The following BICC1 variants were observed in gnomAD, a reference collection of about 807,000 sequenced individuals.
The protein encoded by BICC1 is BicC family RNA binding protein 1, also known as protein bicaudal C homolog 1.
BICC1 carries 43 observed loss-of-function variants against 111.0 expected under a neutral mutation model. The observed-to-expected ratio is 0.39, with a 90% CI of 0.30 to 0.50. The LOEUF is 0.50. Among genes scored for constraint, BICC1 ranks in the 20% least tolerant of loss-of-function variants. The pLI, the probability that BICC1 is intolerant of heterozygous loss-of-function variation, is 0.88. For missense variants in BICC1, 1,091 were observed against 1,203.2 expected (o/e 0.91, Z 1.38); for synonymous variants, 467 against 434.4 (o/e 1.07, Z -0.93).
intron 1 of BICC1, among the ~76,000 whole-genome samples, chr10:58,611,351 TTC>T (rs1300899634): frequency 6.6e-6 from 1 of 152,248 alleles, no homozygotes; most frequent in African/African-American, 2.4e-5. Context: ...TCAGTCTTTT[TTC>T]TAACACATTC....
chr10:58,608,050 A>G (rs1416199404), intron 1 of BICC1, among the ~76,000 whole-genome samples: 1 of 152,200 alleles, frequency 6.6e-6, no homozygotes, highest in Non-Finnish European at 1.5e-5. Context: ...TTACTGAAGA[A>G]AGGACATTTC....
chr10:58,795,115 T>C (rs1194165653), intron 9 of BICC1, among the ~76,000 whole-genome samples: 1 of 152,226 alleles, frequency 6.6e-6, no homozygotes, highest in Non-Finnish European at 1.5e-5. Context: ...AGATGTTCTA[T>C]TTATTTAACA....
At chr10:58,602,824 T>C (rs911829849) in intron 1 of BICC1, among the ~76,000 whole-genome samples, 5 of 152,218 alleles carry the variant, frequency 3.3e-5, no homozygotes, top group Admixed American at 1.3e-4. Context: ...ACAGGACCCA[T>C]TGGGATCATA....
chr10:58,577,986 A>G (rs1564495158), intron 1 of BICC1, among the ~76,000 whole-genome samples: 1 of 152,300 alleles, frequency 6.6e-6, no homozygotes, highest in East Asian at 1.9e-4. Flanking sequence ...TTATTCCTCA[A>G]TGGAAGGCTG....
intron 2 of BICC1, among the ~76,000 whole-genome samples, chr10:58,632,399 G>A (rs1837821388): frequency 6.6e-6 from 1 of 152,168 alleles, no homozygotes. Flanking sequence ...GGGAAGGGTG[G>A]CCCTATGGCT....
intron 3 of BICC1, among the ~76,000 whole-genome samples, chr10:58,709,462 G>C (rs763055595): frequency 2.0e-5 from 3 of 152,200 alleles, no homozygotes; most frequent in Non-Finnish European, 4.4e-5. Context: ...GTAGAACACT[G>C]TGCTAGGTGG....
intron 17 of BICC1, among the ~76,000 whole-genome samples, chr10:58,808,132 A>T (rs188183704): frequency 6.6e-6 from 1 of 151,416 alleles, no homozygotes. Flanking sequence ...TTGAAATACT[A>T]AAAGAGTCTC....
chr10:58,648,546 A>G (rs1838339466), intron 2 of BICC1: 2 of 985,192 alleles, frequency 2.0e-6, no homozygotes, highest in Non-Finnish European at 2.4e-6. Flanking sequence ...GTTGCTTTCA[A>G]AGGCTATGAT....
At chr10:58,653,578 A>G (rs908769832) in intron 2 of BICC1, among the ~76,000 whole-genome samples, 1 of 152,192 alleles carries the variant, frequency 6.6e-6, no homozygotes, top group Non-Finnish European at 1.5e-5. Context: ...ATAGTTCAAC[A>G]TGGAAAACTG....
chr10:58,607,532 C>T (rs1845267796), intron 1 of BICC1, among the ~76,000 whole-genome samples: 1 of 151,946 alleles, frequency 6.6e-6, no homozygotes, highest in East Asian at 1.9e-4. Context: ...TGCTTTCTCC[C>T]TCCTGTCCTT....
At chr10:58,557,575 T>C (rs1314469023) in intron 1 of BICC1, among the ~76,000 whole-genome samples, 1 of 152,102 alleles carries the variant, frequency 6.6e-6, no homozygotes, top group Non-Finnish European at 1.5e-5. Context: ...CATTTAACTT[T>C]AGATAATTTC....
intron 1 of BICC1, among the ~76,000 whole-genome samples, chr10:58,516,959 G>A (rs1842257625): frequency 6.6e-6 from 1 of 152,104 alleles, no homozygotes; most frequent in Non-Finnish European, 1.5e-5. Context: ...GTTTGCCAGA[G>A]TACTGAGGCA....
At chr10:58,751,026 G>A (rs548900047) in intron 3 of BICC1, among the ~76,000 whole-genome samples, 207 of 152,138 alleles carry the variant, frequency 1.4e-3, no homozygotes, top group African/African-American at 4.6e-3. Context: ...ACAGCCCTAG[G>A]GAATAAACTC....
intron 17 of BICC1, among the ~76,000 whole-genome samples, chr10:58,812,360 T>C (rs1843935896): frequency 6.6e-6 from 1 of 152,090 alleles, no homozygotes; most frequent in African/African-American, 2.4e-5. Context: ...TGAGGATAGC[T>C]GATGGGGATG....
At chr10:58,690,202 G>A (rs757220298) in intron 2 of BICC1, among the ~76,000 whole-genome samples, 16 of 152,150 alleles carry the variant, frequency 1.1e-4, no homozygotes, top group South Asian at 2.1e-4. Context: ...AGAGGCAGTC[G>A]TGCCCACCAA....
At chr10:58,588,750 A>G (rs1207893665) in intron 1 of BICC1, among the ~76,000 whole-genome samples, 1 of 152,194 alleles carries the variant, frequency 6.6e-6, no homozygotes, top group East Asian at 1.9e-4. Flanking sequence ...TGAGTATACA[A>G]AAATAGTTAA....
intron 3 of BICC1, among the ~76,000 whole-genome samples, 188 bp from the exon 4 acceptor site, chr10:58,784,813 G>A (rs955946840): frequency 6.6e-6 from 1 of 151,992 alleles, no homozygotes; most frequent in African/African-American, 2.4e-5. Context: ...ATGAAAACGT[G>A]GGCATTTTCC....
At chr10:58,587,280 C>T (rs1351546988) in intron 1 of BICC1, among the ~76,000 whole-genome samples, 1 of 152,068 alleles carries the variant, frequency 6.6e-6, no homozygotes, top group African/African-American at 2.4e-5. Context: ...CATGTATTTT[C>T]CTGTCTTATT....
intron 1 of BICC1, among the ~76,000 whole-genome samples, chr10:58,524,495 A>G (rs897243113): frequency 4.6e-5 from 7 of 152,306 alleles, no homozygotes; most frequent in East Asian, 1.9e-4. Context: ...CTGGCTAGCC[A>G]TATGTAGAAA....
Sources: gnomAD v4.1 joint callset for allele counts (sites outside exome capture counted in the v4.1 genomes callset) on GRCh38, gnomAD v4.1.1 for gene constraint, MANE v1.5 for transcripts, NCBI Gene and HGNC (gene_info 2026-07-23, HGNC 2026-07-21) for gene names.